The following MACROD1 variants were observed in gnomAD, a reference collection of about 807,000 sequenced individuals.
The protein encoded by MACROD1 is mono-ADP ribosylhydrolase 1, also known as ADP-ribose glycohydrolase MACROD1.
A neutral mutation model predicts 41.4 loss-of-function variants in MACROD1; 31 were observed. That is an observed-to-expected ratio of 0.75 (90% confidence interval 0.56 to 1.01). The LOEUF (loss-of-function observed/expected upper bound fraction) is 1.01, where lower values mean the gene tolerates loss of function less well. Among genes scored for constraint, MACROD1 ranks in the 50% least tolerant of loss-of-function variants. The pLI is 0.00. For missense variants in MACROD1, 473 were observed against 460.0 expected (o/e 1.03, Z -0.26); for synonymous variants, 252 against 203.4 (o/e 1.24, Z -2.03).
chr11:64,147,986 G>T lies in MACROD1; in HGVS notation c.517+3253C>A, dbSNP rs576519223. Among the ~76,000 whole-genome samples, 1,100 of 152,008 alleles carry T rather than the reference G, an allele frequency of 7.2e-3. 11 individuals are homozygous for T. Among genetic ancestry groups the T allele is most frequent in the Non-Finnish European group, 0.01 (694 of 67,978 alleles). On this transcript the variant is annotated intron_variant, in intron 3 of 10. Coordinates refer to ENST00000255681, the MANE Select transcript of MACROD1 (RefSeq NM_014067.4). Reference sequence around the variant, plus strand: ...ACTCCCGAGCTCAAGTGATCCTCTCGTCTCGGCCTCCCACGGTGCTGGGAT... The same window carrying T: ...ACTCCCGAGCTCAAGTGATCCTCTCTTCTCGGCCTCCCACGGTGCTGGGAT...
At chr11:64,130,965 G>A (rs1009863496) in intron 3 of MACROD1, among the ~76,000 whole-genome samples, 12 of 152,250 alleles carry the variant, frequency 7.9e-5, no homozygotes, top group Non-Finnish European at 1.2e-4. Context: ...CCGGCCCGGC[G>A]AGGAAGCACT....
chr11:64,165,787 C>A lies in MACROD1; in HGVS notation c.208G>T (p.Gly70Trp). Reference protein sequence around the residue: ...GVGAWGAAAVGRTAGVRTWAP... With the variant: ...GVGAWGAAAVWRTAGVRTWAP... ...CAAGTGCGCACCCCGGCTGTCCGCC[C>A]CACCGCCGCCGCCCCCCACGCCCCA... The change falls in exon 1 of 11, where the codon GGG becomes TGG. Residue 70 changes from glycine (G) to tryptophan (W), a missense_variant. Coordinates refer to ENST00000255681, the MANE Select transcript of MACROD1 (RefSeq NM_014067.4). 2 of 1,486,646 alleles carry A rather than the reference C, an allele frequency of 1.3e-6. No individual in the cohort carries two copies. Among genetic ancestry groups the A allele is most frequent in the Non-Finnish European group, 8.9e-7 (1 of 1,122,630 alleles). The allele number at this position is 1,486,646 out of a possible 1,614,324, so 92.1% of individuals were successfully genotyped here. A position where few individuals can be genotyped will look rare whatever the true frequency, so the allele number is the denominator to read the frequency against.
At chr11:64,019,320 T>G (rs1035586896) in intron 3 of MACROD1, among the ~76,000 whole-genome samples, 1 of 152,082 alleles carries the variant, frequency 6.6e-6, no homozygotes, top group Non-Finnish European at 1.5e-5. Context: ...TCAATGCCAG[T>G]CACTGCCAAG....
intron 3 of MACROD1, among the ~76,000 whole-genome samples, chr11:64,023,088 C>A (rs1372943957): frequency 1.3e-5 from 2 of 152,070 alleles, no homozygotes; most frequent in African/African-American, 2.4e-5. Flanking sequence ...TCTCAAATTC[C>A]TGATATCAAG....
chr11:64,111,145 G>A (rs893727470), intron 3 of MACROD1, among the ~76,000 whole-genome samples: 1 of 152,230 alleles, frequency 6.6e-6, no homozygotes, highest in African/African-American at 2.4e-5. Flanking sequence ...TGAGCTGAGC[G>A]GGCGCTGGGA....
At chr11:64,077,396 G>A (rs1288557321) in intron 3 of MACROD1, among the ~76,000 whole-genome samples, 1 of 152,188 alleles carries the variant, frequency 6.6e-6, no homozygotes, top group Admixed American at 6.5e-5. Flanking sequence ...CCTGCCCTCT[G>A]TCCCTCCCCA....
chr11:64,086,682 C>T (rs1944401187), intron 3 of MACROD1, among the ~76,000 whole-genome samples: 2 of 152,144 alleles, frequency 1.3e-5, no homozygotes, highest in South Asian at 4.1e-4. Flanking sequence ...ATCATGTGTT[C>T]AGGGAAGACA....
chr11:64,063,186 C>T (rs749640481), intron 3 of MACROD1, among the ~76,000 whole-genome samples: 13 of 152,142 alleles, frequency 8.5e-5, no homozygotes, highest in Non-Finnish European at 1.6e-4. Flanking sequence ...AGGCTCTGTG[C>T]GCCCTGCTTA....
chr11:64,045,717 C>T (rs768728807), intron 3 of MACROD1, among the ~76,000 whole-genome samples: 16 of 152,352 alleles, frequency 1.1e-4, no homozygotes, highest in Admixed American at 3.9e-4. Context: ...GCATAAGCCA[C>T]TGTACCCCTG....
chr11:64,051,815 C>T (rs537794263), intron 3 of MACROD1, among the ~76,000 whole-genome samples: 6 of 152,168 alleles, frequency 3.9e-5, no homozygotes, highest in African/African-American at 1.4e-4. Flanking sequence ...CTGTCCACCC[C>T]CAGGGACCTC....
intron 3 of MACROD1, among the ~76,000 whole-genome samples, chr11:64,044,380 T>C (rs563383365): frequency 1.8e-4 from 27 of 151,856 alleles, no homozygotes; most frequent in African/African-American, 6.0e-4. Flanking sequence ...GCCTGCCGAA[T>C]AGCTCGGACT....
At position 64,091,870 on chromosome 11, in the gene MACROD1, C is replaced by T. The variant is rs1353934545; in HGVS notation, c.517+59369G>A. 3.3e-5 allele frequency among the ~76,000 whole-genome samples: 5 copies of T among 152,312 alleles called. No individual in the cohort carries two copies. The East Asian group carries it at 9.6e-4, about 29-fold the overall frequency. On this transcript the variant is annotated intron_variant, in intron 3 of 10. Transcript: ENST00000255681. ...GCCAAAGGCAGGAGCACCAGAGCGG[C>T]TGCTGGGCCAATCCCACCATCTGGC...
chr11:64,130,492 C>T (rs370691458), intron 3 of MACROD1, among the ~76,000 whole-genome samples: 5 of 152,202 alleles, frequency 3.3e-5, no homozygotes, highest in Non-Finnish European at 5.9e-5. Context: ...GAAGAGGCGT[C>T]GGAACCTGGG....
intron 3 of MACROD1, among the ~76,000 whole-genome samples, chr11:64,057,881 T>G (rs1309489122): frequency 6.6e-6 from 1 of 152,196 alleles, no homozygotes; most frequent in Non-Finnish European, 1.5e-5. Flanking sequence ...ATTCGTGAGG[T>G]CACAGGATTT....
At chr11:64,159,533 T>C (rs911602617) in intron 1 of MACROD1, among the ~76,000 whole-genome samples, 1 of 149,716 alleles carries the variant, frequency 6.7e-6, no homozygotes, top group Non-Finnish European at 1.5e-5. Flanking sequence ...GGTGGCTCAC[T>C]CCTGTAATCC....
In MACROD1 at chr11:63,999,400, G is replaced by A; in HGVS notation, c.822C>T (p.Tyr274=). 1 of 1,589,044 alleles carries A rather than the reference G, an allele frequency of 6.3e-7. No homozygotes were observed. The highest frequency in any genetic ancestry group is 8.5e-7 in the Non-Finnish European group (1 of 1,171,346). ...FPCISTGVFG[Y]PCEAAAEIVL... ...CGATCTCGGCGGCCGCCTCACAGGG[G>A]TAGCCTGAGGCGGGTGGGGCGGGAG... The change falls in exon 8 of 11, where the codon TAC becomes TAT. Residue 274 remains tyrosine, a synonymous_variant. Coordinates refer to ENST00000255681, the MANE Select transcript of MACROD1 (RefSeq NM_014067.4).
At chr11:64,083,528 T>C (rs1590883366) in intron 3 of MACROD1, among the ~76,000 whole-genome samples, 1 of 152,138 alleles carries the variant, frequency 6.6e-6, no homozygotes, top group South Asian at 2.1e-4. Flanking sequence ...CCATCCCGTC[T>C]CCCTCCCTCC....
At chr11:64,136,299 G>A (rs1945331642) in intron 3 of MACROD1, among the ~76,000 whole-genome samples, 1 of 152,190 alleles carries the variant, frequency 6.6e-6, no homozygotes, top group South Asian at 2.1e-4. Context: ...GCACTTCCCA[G>A]GATACATAGG....
At chr11:64,063,996 G>A (rs1388770824) in intron 3 of MACROD1, among the ~76,000 whole-genome samples, 2 of 152,210 alleles carry the variant, frequency 1.3e-5, no homozygotes, top group African/African-American at 4.8e-5. Flanking sequence ...GGCTCCTCTT[G>A]TCAGGCAGCC....
Sources: allele counts gnomAD v4.1 joint callset (sites outside exome capture counted in the v4.1 genomes callset), GRCh38; gene constraint gnomAD v4.1.1; transcripts MANE v1.5; gene names NCBI Gene and HGNC (gene_info 2026-07-23, HGNC 2026-07-21).